CNR2: variants seen among roughly 807,000 people sequenced by gnomAD.
The protein encoded by CNR2 is cannabinoid receptor 2 (macrophage).
For synonymous variants in CNR2, 172 were observed against 182.2 expected (o/e 0.94, Z 0.45); for missense variants, 379 against 439.9 (o/e 0.86, Z 1.24).
intron 1 of CNR2, among the ~76,000 whole-genome samples, chr1:23,890,674 G>A (rs1345046320): frequency 4.0e-5 from 6 of 151,250 alleles, no homozygotes; most frequent in African/African-American, 1.5e-4. Flanking sequence ...GAATCCGGGA[G>A]GCGAAGTTTG....
intron 1 of CNR2, among the ~76,000 whole-genome samples, chr1:23,876,813 C>T (rs1253141713): frequency 5.8e-5 from 8 of 138,636 alleles, no homozygotes; most frequent in Admixed American, 2.3e-4. Context: ...CCAGCCTGGG[C>T]GACAGAGCAA....
rs138678492 is a variant in CNR2 at position 23,911,409 on chromosome 1, A to G, written c.-46+1837T>C. 3.1e-3 allele frequency among the ~76,000 whole-genome samples: 475 copies of G among 152,222 alleles called. 4 individuals carry two copies. Among genetic ancestry groups the G allele is most frequent in the African/African-American group, 0.011 (445 of 41,512 alleles). On this transcript the variant is annotated intron_variant, in intron 1 of 1. Coordinates refer to ENST00000374472, the MANE Select transcript of CNR2 (RefSeq NM_001841.3). ...AAGTGGGCAAGGCTGGACTTCAGACAATCAAGTCCATTTGGGCAATGGGCA... is the reference window on the plus strand; with the variant it reads ...AAGTGGGCAAGGCTGGACTTCAGACGATCAAGTCCATTTGGGCAATGGGCA...
intron 1 of CNR2, chr1:23,902,268 C>A: frequency 7.1e-7 from 1 of 1,416,656 alleles, no homozygotes. Context: ...CTCACAGAAG[C>A]CTTGGGACCG....
At chr1:23,895,527 A>G (rs576220559) in intron 1 of CNR2, among the ~76,000 whole-genome samples, 2 of 152,026 alleles carry the variant, frequency 1.3e-5, no homozygotes, top group South Asian at 4.2e-4. Flanking sequence ...TCTTTTTTTG[A>G]GACAGAGTCT....
At chr1:23,889,592 G>A (rs1472783132) in intron 1 of CNR2, among the ~76,000 whole-genome samples, 1 of 152,112 alleles carries the variant, frequency 6.6e-6, no homozygotes, top group African/African-American at 2.4e-5. Flanking sequence ...CCAAAATGTT[G>A]GGATTATAGA....
intron 1 of CNR2, among the ~76,000 whole-genome samples, chr1:23,908,220 C>T (rs1050970791): frequency 4.6e-5 from 7 of 152,104 alleles, no homozygotes; most frequent in African/African-American, 1.7e-4. Flanking sequence ...ACCTCATGAT[C>T]TGCCCACCTG....
chr1:23,883,371 G>A (rs766577496), intron 1 of CNR2, among the ~76,000 whole-genome samples: 8 of 152,204 alleles, frequency 5.3e-5, no homozygotes, highest in Non-Finnish European at 1.0e-4. Flanking sequence ...CTGCAGGTGC[G>A]TCCAGGGAGG....
At chr1:23,884,745 A>G (rs1171583745) in intron 1 of CNR2, among the ~76,000 whole-genome samples, 1 of 152,040 alleles carries the variant, frequency 6.6e-6, no homozygotes, top group African/African-American at 2.4e-5. Context: ...AGGCTTTATT[A>G]TTTCTGGACC....
chr1:23,895,798 G>A (rs116078599), intron 1 of CNR2, among the ~76,000 whole-genome samples: 1,601 of 152,130 alleles, frequency 0.011, 20 homozygotes, highest in African/African-American at 0.033. Flanking sequence ...CACCGTGCCC[G>A]GCCAGGACTT....
intron 1 of CNR2, among the ~76,000 whole-genome samples, chr1:23,909,414 G>A (rs1255638910): frequency 6.6e-6 from 1 of 152,188 alleles, no homozygotes; most frequent in Middle Eastern, 3.2e-3. Flanking sequence ...AGCCTTGGCT[G>A]TGCGTGGGTT....
At chr1:23,908,926 G>A (rs1306924321) in intron 1 of CNR2, among the ~76,000 whole-genome samples, 1 of 152,128 alleles carries the variant, frequency 6.6e-6, no homozygotes, top group African/African-American at 2.4e-5. Flanking sequence ...TGAGAGACAG[G>A]TGGGGTGGTG....
chr1:23,885,857 G>A (rs535095534), intron 1 of CNR2, among the ~76,000 whole-genome samples: 10 of 148,292 alleles, frequency 6.7e-5, no homozygotes, highest in Non-Finnish European at 1.3e-4. Context: ...CAGCCTGGGC[G>A]ACATAGCGAG....
At chr1:23,912,179 A>G (rs1420370629) in intron 1 of CNR2, among the ~76,000 whole-genome samples, 1 of 152,148 alleles carries the variant, frequency 6.6e-6, no homozygotes, top group African/African-American at 2.4e-5. Flanking sequence ...AGTGATTTGC[A>G]TTAGGCCATC....
At chr1:23,902,321 C>T (rs1333936284) in intron 1 of CNR2, 2 of 1,553,788 alleles carry the variant, frequency 1.3e-6, no homozygotes, top group African/African-American at 1.4e-5. Flanking sequence ...CCCAGCAGCG[C>T]TGGGTCAGGT....
rs558276045 is a variant in CNR2, at chr1:23,890,465, G to A, written c.-45-14803C>T. On this transcript the variant is annotated intron_variant, in intron 1 of 1. Coordinates refer to ENST00000374472, the MANE Select transcript of CNR2 (RefSeq NM_001841.3). ...AGAATGACCCATCAGAAACAGACCCGCTGGGCGAGGTGGCTCACGCTTATA... is the reference window on the plus strand; with the variant it reads ...AGAATGACCCATCAGAAACAGACCCACTGGGCGAGGTGGCTCACGCTTATA... Among the ~76,000 whole-genome samples the A allele has an allele frequency of 4.6e-5, 7 of 151,958 alleles. No individual in the cohort carries two copies. In the South Asian group the frequency reaches 1.5e-3, roughly 32 times the overall value.
At chr1:23,892,597 T>C (rs1329157588) in intron 1 of CNR2, among the ~76,000 whole-genome samples, 1 of 152,222 alleles carries the variant, frequency 6.6e-6, no homozygotes, top group African/African-American at 2.4e-5. Flanking sequence ...AGTGTGGAAG[T>C]GCAGTCACAG....
intron 1 of CNR2, among the ~76,000 whole-genome samples, chr1:23,890,755 A>G (rs1640176394): frequency 6.6e-6 from 1 of 151,468 alleles, no homozygotes; most frequent in African/African-American, 2.4e-5. Context: ...CAAAAAAAAA[A>G]AAAAGAAATA....
chr1:23,903,487 C>A (rs150312206), intron 1 of CNR2, among the ~76,000 whole-genome samples: 1 of 151,142 alleles, frequency 6.6e-6, no homozygotes, highest in Admixed American at 6.6e-5. Context: ...GGTGGGAGGA[C>A]CACTTGAGCC....
At chr1:23,894,046 G>A (rs1640235048) in intron 1 of CNR2, among the ~76,000 whole-genome samples, 1 of 151,916 alleles carries the variant, frequency 6.6e-6, no homozygotes, top group Admixed American at 6.6e-5. Context: ...CTGGAGCCCA[G>A]GAGAGTGAAG....
Sources: gnomAD v4.1 joint callset for allele counts (sites outside exome capture counted in the v4.1 genomes callset) on GRCh38, gnomAD v4.1.1 for gene constraint, MANE v1.5 for transcripts, NCBI Gene and HGNC (gene_info 2026-07-23, HGNC 2026-07-21) for gene names.